Variants in ERO1A observed in about 807,000 individuals in gnomAD.
ERO1A encodes ERO1-like protein alpha.
ERO1A carries 49 observed loss-of-function variants against 76.9 expected under a neutral mutation model. That is an observed-to-expected ratio of 0.64 (90% confidence interval 0.51 to 0.81). The LOEUF (loss-of-function observed/expected upper bound fraction) is 0.81. ERO1A is among the 30% of genes least tolerant of loss of function. The pLI, the probability that ERO1A is intolerant of heterozygous loss-of-function variation, is 0.00. For missense variants in ERO1A, 448 were observed against 542.1 expected (o/e 0.83, Z 1.72); for synonymous variants, 174 against 181.2 (o/e 0.96, Z 0.32).
At chr14:52,672,165 G>C in intron 4 of ERO1A, 1 of 205,664 alleles carries the variant, frequency 4.9e-6, no homozygotes, top group South Asian at 8.2e-5. Flanking sequence ...AATTAGCAGG[G>C]CGTGGTGGCA....
intron 6 of ERO1A, among the ~76,000 whole-genome samples, chr14:52,668,508 G>A (rs185616593): frequency 3.2e-4 from 49 of 151,920 alleles, no homozygotes; most frequent in African/African-American, 1.0e-3. Context: ...TCACACCATT[G>A]CACTCCAGCC....
intron 6 of ERO1A, among the ~76,000 whole-genome samples, chr14:52,670,121 C>T (rs1385046206): frequency 6.6e-6 from 1 of 152,066 alleles, no homozygotes; most frequent in Non-Finnish European, 1.5e-5. Context: ...TGCCATGTTG[C>T]CCAGGCTAGG....
chr14:52,650,049 T>C (rs1455223471), intron 13 of ERO1A, among the ~76,000 whole-genome samples: 4 of 151,912 alleles, frequency 2.6e-5, no homozygotes, highest in Admixed American at 2.6e-4. Context: ...AGACCCCAAC[T>C]CAACAAAAAA....
At chr14:52,671,467 C>T in intron 6 of ERO1A, 163 bp downstream of exon 6, 2 of 531,386 alleles carry the variant, frequency 3.8e-6, no homozygotes, top group South Asian at 3.3e-5. Flanking sequence ...ACTATGTTGC[C>T]CAGTCTGGAT....
chr14:52,682,838 G>A (rs1284968004), intron 2 of ERO1A, among the ~76,000 whole-genome samples: 5 of 151,774 alleles, frequency 3.3e-5, no homozygotes, highest in African/African-American at 1.2e-4. Context: ...GTCGAAGGGC[G>A]CAGTGAGCCA....
intron 11 of ERO1A, among the ~76,000 whole-genome samples, chr14:52,656,055 T>C (rs980931013): frequency 3.9e-5 from 6 of 152,210 alleles, no homozygotes; most frequent in African/African-American, 7.2e-5. Context: ...TTTTGATCTA[T>C]AGTCACTACG....
At chr14:52,674,675 T>C (rs1171668051) in intron 4 of ERO1A, among the ~76,000 whole-genome samples, 1 of 152,230 alleles carries the variant, frequency 6.6e-6, no homozygotes, top group Non-Finnish European at 1.5e-5. Context: ...AAAATTAGTT[T>C]AGAATCTATG....
intron 2 of ERO1A, 29 bp downstream of exon 2, chr14:52,683,759 C>A (rs574223044): frequency 1.0e-6 from 1 of 988,666 alleles, no homozygotes; most frequent in Admixed American, 3.0e-5. Context: ...TTAAAGTATT[C>A]ATATATAAAA....
At chr14:52,655,755 A>C (rs537122012) in intron 11 of ERO1A, among the ~76,000 whole-genome samples, 57 of 152,028 alleles carry the variant, frequency 3.7e-4, no homozygotes, top group Non-Finnish European at 6.2e-4. Flanking sequence ...TCTGAAGATC[A>C]TGGCAACTTT....
chr14:52,655,632 T>C (rs1470106750), intron 11 of ERO1A, among the ~76,000 whole-genome samples: 2 of 152,228 alleles, frequency 1.3e-5, no homozygotes, highest in Admixed American at 1.3e-4. Flanking sequence ...CTCAGAGGAA[T>C]TTCTCACTCT....
intron 11 of ERO1A, among the ~76,000 whole-genome samples, chr14:52,653,867 C>A (rs2039957791): frequency 6.6e-6 from 1 of 151,928 alleles, no homozygotes; most frequent in African/African-American, 2.4e-5. Context: ...GGTCTCTCTG[C>A]CTGCAAACAT....
chr14:52,648,004 C>CTTT (rs1386827407), intron 13 of ERO1A, among the ~76,000 whole-genome samples: 1 of 152,174 alleles, frequency 6.6e-6, no homozygotes, highest in Non-Finnish European at 1.5e-5. Flanking sequence ...TGGAGACAGA[C>CTTT]TTTCCCAACA....
chr14:52,661,074 A>G (rs2040217830), intron 9 of ERO1A, among the ~76,000 whole-genome samples: 1 of 152,226 alleles, frequency 6.6e-6, no homozygotes, highest in African/African-American at 2.4e-5. Context: ...GTGCAAATGA[A>G]TGATCAGAGG....
At chr14:52,656,711 CAAAAAA>C (rs34369320) in intron 11 of ERO1A, among the ~76,000 whole-genome samples, 1 of 103,602 alleles carries the variant, frequency 9.7e-6, no homozygotes. Context: ...GACTCTGTCT[CAAAAAA>C]AAAAAAAAAA....
intron 2 of ERO1A, among the ~76,000 whole-genome samples, chr14:52,682,727 C>T (rs1439250368): frequency 6.6e-6 from 1 of 151,862 alleles, no homozygotes; most frequent in Non-Finnish European, 1.5e-5. Flanking sequence ...GGCGAAACCC[C>T]GTCTCTACTA....
chr14:52,655,419 T>C (rs1009561874), intron 11 of ERO1A, among the ~76,000 whole-genome samples: 4 of 152,078 alleles, frequency 2.6e-5, no homozygotes, highest in Non-Finnish European at 4.4e-5. Context: ...TGCTAGAAAA[T>C]ATATCATAGA....
At chr14:52,668,470 G>A (rs988460357) in intron 6 of ERO1A, among the ~76,000 whole-genome samples, 4 of 151,512 alleles carry the variant, frequency 2.6e-5, no homozygotes, top group East Asian at 3.9e-4. Context: ...GCTTGAACCC[G>A]GGAGACAGAG....
rs576925512 is a variant in ERO1A, at chr14:52,665,289, T to C, written c.629+1086A>G. Among the ~76,000 whole-genome samples, 4 of 134,314 alleles carry C rather than the reference T, an allele frequency of 3.0e-5. No individual in the cohort carries two copies. In the East Asian group the frequency reaches 8.7e-4, roughly 29 times the overall value. 88.1% of individuals were successfully genotyped at this position (134,314 alleles called of 152,430 possible). The stretch of plus-strand genomic sequence containing the variant: ...TGCAGCCTGGGCAACAGAGTGAGAC[T>C]TCATCTCAAAAAAAAAAAAAAAAAA... On this transcript the variant is annotated intron_variant, in intron 7 of 15. Coordinates refer to ENST00000395686, the MANE Select transcript of ERO1A (RefSeq NM_014584.3).
rs138038054 is a variant in ERO1A, at chr14:52,687,315, C to T, written c.115-3408G>A. Among the ~76,000 whole-genome samples, 98 of 151,940 alleles carry T rather than the reference C, an allele frequency of 6.4e-4. No homozygotes were observed. The East Asian group carries it at 0.01, about 16-fold the overall frequency. On this transcript the variant is annotated intron_variant, in intron 1 of 15. Coordinates refer to ENST00000395686, the MANE Select transcript of ERO1A (RefSeq NM_014584.3). ...CATGGTGGCATACGCCTGCAGTCCC[C>T]GCTGCTTAGGAGGCTGAGGTGGGAG...
Sources: allele counts gnomAD v4.1 joint callset (sites outside exome capture counted in the v4.1 genomes callset), GRCh38; gene constraint gnomAD v4.1.1; transcripts MANE v1.5; gene names NCBI Gene and HGNC (gene_info 2026-07-23, HGNC 2026-07-21).